The following ITGA8 variants were observed in gnomAD, a reference collection of about 807,000 sequenced individuals.
ITGA8 encodes integrin subunit alpha 8.
A neutral mutation model predicts 142.3 loss-of-function variants in ITGA8; 91 were observed. That is an observed-to-expected ratio of 0.64 (90% CI 0.54 to 0.76). The LOEUF (loss-of-function observed/expected upper bound fraction) is 0.76, where lower values mean the gene tolerates loss of function less well. Ranked by LOEUF, ITGA8 falls within the 30% of genes least tolerant of loss-of-function variation. ITGA8 has a pLI of 0.00. For missense variants in ITGA8, 1,406 were observed against 1,327.7 expected, an observed-to-expected ratio of 1.06 and a Z score of -0.92; for synonymous variants, 505 against 485.2, an observed-to-expected ratio of 1.04 and a Z score of -0.54.
intron 25 of ITGA8, among the ~76,000 whole-genome samples, chr10:15,561,139 C>T (rs922576811): frequency 6.7e-6 from 1 of 150,338 alleles, no homozygotes; most frequent in Non-Finnish European, 1.5e-5. Context: ...ATCCTCCTGC[C>T]TCAGCCTCCC....
chr10:15,532,418 C>CA (rs35130036), intron 27 of ITGA8, among the ~76,000 whole-genome samples: 8 of 27,836 alleles, frequency 2.9e-4, no homozygotes, highest in East Asian at 1.3e-3. Context: ...GACTCCCTCT[C>CA]AAAAAAAAAA....
In ITGA8 at chr10:15,558,055, G is replaced by T; in HGVS notation, c.2766+19C>A. The T allele has an allele frequency of 6.2e-7, 1 of 1,613,220 alleles. No individual in the cohort carries two copies. Among genetic ancestry groups the T allele is most frequent in the Non-Finnish European group, 8.5e-7 (1 of 1,179,768 alleles). On this transcript the variant is annotated intron_variant, in intron 26 of 29. Coordinates refer to ENST00000378076, the MANE Select transcript of ITGA8 (RefSeq NM_003638.3). ...AGCCACTCATTTCCCTCAGTTCTAT[G>T]CACACTGGGATAACTCACCAGTATT... is the stretch of plus-strand genomic sequence containing the variant.
intron 27 of ITGA8, among the ~76,000 whole-genome samples, chr10:15,546,395 A>T (rs963034582): frequency 6.6e-6 from 1 of 152,220 alleles, no homozygotes; most frequent in African/African-American, 2.4e-5. Context: ...GTGAATGAAT[A>T]TGTAAAGGTT....
chr10:15,587,068 G>A (rs868233770), intron 22 of ITGA8, among the ~76,000 whole-genome samples: 2 of 151,994 alleles, frequency 1.3e-5, no homozygotes, highest in African/African-American at 2.4e-5. Context: ...GACTACAGGC[G>A]TGTGCCACCA....
At chr10:15,562,944 C>T (rs372155199) in intron 25 of ITGA8, among the ~76,000 whole-genome samples, 25 of 152,156 alleles carry the variant, frequency 1.6e-4, no homozygotes, top group Non-Finnish European at 2.4e-4. Context: ...GCTGGGGTCA[C>T]GGGGGTGGAT....
chr10:15,553,302 G>GTTT (rs5783451), intron 26 of ITGA8, among the ~76,000 whole-genome samples: 13 of 131,140 alleles, frequency 9.9e-5, no homozygotes, highest in Non-Finnish European at 1.5e-4. Context: ...AGTTGCCATA[G>GTTT]TTTTTTTTTT....
rs78692101 is a variant in ITGA8, at chr10:15,547,528, C to T, written c.2880+927G>A. ...CAGAGGTTGCAGTGAGTCAAGATCGCACTACTGCACTCCAGGCTGGGTAAC... is the reference window on the plus strand; with the variant it reads ...CAGAGGTTGCAGTGAGTCAAGATCGTACTACTGCACTCCAGGCTGGGTAAC... On this transcript the variant is annotated intron_variant, in intron 27 of 29. Transcript: ENST00000378076. 3.8e-4 allele frequency among the ~76,000 whole-genome samples: 58 copies of T among 152,262 alleles called. No individual in the cohort carries two copies. In the East Asian group the frequency reaches 0.01, roughly 27 times the overall value.
At chr10:15,707,961 G>GACACAC (rs138462340) in intron 2 of ITGA8, among the ~76,000 whole-genome samples, 41,945 of 144,704 alleles carry the variant, frequency 0.29, 6,405 homozygotes, top group East Asian at 0.42. Flanking sequence ...TGCACACACC[G>GACACAC]ACACACACAC....
At chr10:15,527,770 C>G (rs1833203085) in intron 28 of ITGA8, among the ~76,000 whole-genome samples, 1 of 152,066 alleles carries the variant, frequency 6.6e-6, no homozygotes, top group Non-Finnish European at 1.5e-5. Flanking sequence ...TCTAGGAAAA[C>G]AAGCAAATAG....
intron 25 of ITGA8, among the ~76,000 whole-genome samples, chr10:15,567,080 A>G (rs1241240724): frequency 6.6e-6 from 1 of 150,686 alleles, no homozygotes; most frequent in African/African-American, 2.4e-5. Flanking sequence ...ACCTGAACCC[A>G]GGGGTCAAAG....
chr10:15,604,481 T>C, intron 19 of ITGA8, 126 bp from the exon 20 acceptor site: 2 of 643,050 alleles, frequency 3.1e-6, no homozygotes, highest in Non-Finnish European at 4.9e-6. Context: ...TGGACCATCA[T>C]GAAGAGATGG....
intron 5 of ITGA8, among the ~76,000 whole-genome samples, chr10:15,678,035 A>AT (rs1431332333): frequency 3.3e-5 from 5 of 152,090 alleles, no homozygotes; most frequent in Admixed American, 6.6e-5. Context: ...AGTAATGCCT[A>AT]TTTTTTTCCA....
chr10:15,633,108 C>G (rs1021940234), intron 13 of ITGA8, among the ~76,000 whole-genome samples: 1 of 152,114 alleles, frequency 6.6e-6, no homozygotes, highest in African/African-American at 2.4e-5. Flanking sequence ...TATCTTTTTC[C>G]ATTACTTTCC....
At chr10:15,670,553 A>G (rs1270110200) in intron 8 of ITGA8, among the ~76,000 whole-genome samples, 1 of 152,204 alleles carries the variant, frequency 6.6e-6, no homozygotes, top group African/African-American at 2.4e-5. Context: ...ATAAATAATA[A>G]CAATACATAA....
intron 2 of ITGA8, among the ~76,000 whole-genome samples, chr10:15,689,287 A>T (rs149416324): frequency 6.6e-6 from 1 of 152,192 alleles, no homozygotes; most frequent in Non-Finnish European, 1.5e-5. Flanking sequence ...AATAACAGAC[A>T]ACTACATTGC....
chr10:15,666,474 T>C (rs1834394214), intron 8 of ITGA8, among the ~76,000 whole-genome samples: 2 of 152,160 alleles, frequency 1.3e-5, no homozygotes, highest in South Asian at 4.1e-4. Context: ...ACAGGGACAA[T>C]TTGACTTCCT....
intron 11 of ITGA8, among the ~76,000 whole-genome samples, chr10:15,654,293 C>A (rs189138458): frequency 3.3e-5 from 5 of 152,332 alleles, no homozygotes; most frequent in African/African-American, 9.6e-5. Flanking sequence ...AACCATCTAA[C>A]ATACTCTTTA....
intron 2 of ITGA8, among the ~76,000 whole-genome samples, chr10:15,698,470 C>G (rs1402615723): frequency 4.6e-5 from 7 of 152,136 alleles, no homozygotes; most frequent in Admixed American, 3.9e-4. Flanking sequence ...TCTTTTATTT[C>G]TTTCAGGAAT....
chr10:15,665,859 C>G (rs911750196), intron 8 of ITGA8, among the ~76,000 whole-genome samples: 47 of 152,140 alleles, frequency 3.1e-4, no homozygotes, highest in South Asian at 2.1e-4. Context: ...GGGCTCTGTT[C>G]TGTTCCATTG....
Sources: gnomAD v4.1 joint callset for allele counts (sites outside exome capture counted in the v4.1 genomes callset) on GRCh38, gnomAD v4.1.1 for gene constraint, MANE v1.5 for transcripts, NCBI Gene and HGNC (gene_info 2026-07-23, HGNC 2026-07-21) for gene names.